NCKAP5: variants seen among roughly 807,000 people sequenced by gnomAD.
NCKAP5 encodes the protein nck-associated protein 5.
NCKAP5 carries 92 observed loss-of-function variants against 167.0 expected under a neutral mutation model. That is an observed-to-expected ratio of 0.55 (90% CI 0.47 to 0.66). NCKAP5 has a LOEUF of 0.66. Among genes scored for constraint, NCKAP5 ranks in the 30% least tolerant of loss-of-function variants. The pLI is 0.00. For missense variants in NCKAP5, 2,378 were observed against 2,315.0 expected, an observed-to-expected ratio of 1.03 and a Z score of -0.56; for synonymous variants, 891 against 877.4, an observed-to-expected ratio of 1.02 and a Z score of -0.27.
At chr2:132,680,240 A>G (rs923096005) in intron 19 of NCKAP5, among the ~76,000 whole-genome samples, 1 of 152,090 alleles carries the variant, frequency 6.6e-6, no homozygotes, top group African/African-American at 2.4e-5. Flanking sequence ...CGCATTGGTA[A>G]TAGAGAACCA....
At chr2:133,652,942 C>T in the NCKAP5 span, among the ~76,000 whole-genome samples, 1 of 152,196 alleles carries the variant, frequency 6.6e-6, no homozygotes, top group Non-Finnish European at 1.5e-5. Context: ...TTCTGAACCT[C>T]AGTCTCCTAA....
rs547726096 is a variant in NCKAP5 at position 133,143,971 on chromosome 2, A to G, written c.208-13860T>C. Among the ~76,000 whole-genome samples the G allele has an allele frequency of 2.0e-5, 3 of 152,248 alleles. No homozygotes were observed. The Middle Eastern group carries it at 0.01, about 518-fold the overall frequency. On this transcript the variant is annotated intron_variant, in intron 5 of 19. Transcript: ENST00000409261. Reference sequence around the variant, plus strand: ...TCCTGGTCTAGTAAACTTTCATCGCAACCAGCAAACCAACTGATGCATTTA... The same window carrying G: ...TCCTGGTCTAGTAAACTTTCATCGCGACCAGCAAACCAACTGATGCATTTA...
chr2:133,051,823 A>T (rs771019641), intron 6 of NCKAP5, among the ~76,000 whole-genome samples: 2 of 152,356 alleles, frequency 1.3e-5, no homozygotes, highest in Non-Finnish European at 2.9e-5. Context: ...CTCAATACAT[A>T]TATGTAGAAT....
chr2:132,751,255 G>A (rs1023052831), intron 16 of NCKAP5, among the ~76,000 whole-genome samples: 2 of 151,932 alleles, frequency 1.3e-5, no homozygotes, highest in Non-Finnish European at 2.9e-5. Flanking sequence ...TTGTTAAAAA[G>A]AGCCTGGCAC....
chr2:132,731,586 A>T (rs1277036144), intron 17 of NCKAP5, 151 bp downstream of exon 17: 1 of 766,148 alleles, frequency 1.3e-6, no homozygotes, highest in Admixed American at 3.0e-5. Flanking sequence ...TCTTATACAC[A>T]TTGTTTTGCT....
chr2:133,077,589 C>T (rs748549041), intron 6 of NCKAP5, among the ~76,000 whole-genome samples: 44 of 152,114 alleles, frequency 2.9e-4, no homozygotes, highest in Non-Finnish European at 6.0e-4. Context: ...AAAACAAGCC[C>T]CGATGATGGG....
intron 3 of NCKAP5, among the ~76,000 whole-genome samples, chr2:133,339,121 C>A (rs1683410728): frequency 6.6e-6 from 1 of 152,204 alleles, no homozygotes; most frequent in Admixed American, 6.5e-5. Flanking sequence ...GAAATTTCAA[C>A]AGAATTAATA....
the NCKAP5 span, among the ~76,000 whole-genome samples, chr2:133,612,954 T>C: frequency 4.1e-4 from 63 of 152,224 alleles, no homozygotes; most frequent in African/African-American, 1.5e-3. Context: ...TGCTAAAGAA[T>C]AGACTTCCAG....
At chr2:133,417,337 T>A (rs1689181039) in intron 3 of NCKAP5, among the ~76,000 whole-genome samples, 1 of 152,132 alleles carries the variant, frequency 6.6e-6, no homozygotes, top group Admixed American at 6.6e-5. Flanking sequence ...CCCGATTGCC[T>A]CCTTCACACC....
At chr2:132,934,400 C>T (rs1249496271) in intron 8 of NCKAP5, among the ~76,000 whole-genome samples, 1 of 152,098 alleles carries the variant, frequency 6.6e-6, no homozygotes, top group Non-Finnish European at 1.5e-5. Flanking sequence ...GGGTGAAACC[C>T]CATCTCTACT....
At chr2:133,168,434 G>T (rs774879200) in intron 5 of NCKAP5, among the ~76,000 whole-genome samples, 9 of 151,966 alleles carry the variant, frequency 5.9e-5, no homozygotes, top group East Asian at 1.9e-4. Flanking sequence ...TGTTTCTGGG[G>T]TTCCTTTCAT....
At chr2:132,810,386 T>C (rs1336652992) in intron 11 of NCKAP5, among the ~76,000 whole-genome samples, 1 of 152,244 alleles carries the variant, frequency 6.6e-6, no homozygotes, top group Non-Finnish European at 1.5e-5. Context: ...TTTAGAATTC[T>C]CTTCTTCCTC....
intron 11 of NCKAP5, among the ~76,000 whole-genome samples, chr2:132,816,669 C>T (rs187908063): frequency 7.4e-4 from 113 of 152,296 alleles, no homozygotes; most frequent in Non-Finnish European, 1.2e-3. Flanking sequence ...CTTGCCTGAA[C>T]ACTCCTCAGT....
intron 6 of NCKAP5, among the ~76,000 whole-genome samples, chr2:133,075,278 G>T (rs887039354): frequency 6.6e-6 from 1 of 152,016 alleles, no homozygotes; most frequent in Non-Finnish European, 1.5e-5. Context: ...TATCTCTCAG[G>T]AATAAATGTA....
chr2:132,782,809 A>T lies in NCKAP5; in HGVS notation c.4002T>A (p.Ser1334Arg). 3 of 1,613,452 alleles carry T rather than the reference A, an allele frequency of 1.9e-6. No individual in the cohort carries two copies. The highest frequency in any genetic ancestry group is 2.2e-5 in the South Asian group (2 of 91,038). Residue 1334 changes from serine (S) to arginine (R), a missense_variant, in exon 14 of 20, where the codon AGT (serine) becomes AGA (arginine). Physicochemically the swap from Ser to Arg is moderately radical, Grantham distance 110. Around this residue, in one of 3 missense-constraint regions of NCKAP5, gnomAD observed 1,325 missense variants for 1,274.5 expected, o/e 1.04. Transcript: ENST00000409261. ...CCGAGGGCCTCCCAACACTGGGGAG[A>T]CTCTCCAACATGGGAGCAGAAGGGG... The part of the protein sequence containing the change: ...NKAPSAPMLE[S>R]LPSVGRPSGH...
intron 6 of NCKAP5, among the ~76,000 whole-genome samples, chr2:133,074,077 A>G (rs1172906422): frequency 2.0e-5 from 3 of 152,212 alleles, no homozygotes; most frequent in Admixed American, 6.5e-5. Context: ...ACCTCTAACC[A>G]TATCTTTGTT....
chr2:133,144,209 C>T (rs558602354), intron 5 of NCKAP5, among the ~76,000 whole-genome samples: 3 of 152,182 alleles, frequency 2.0e-5, no homozygotes, highest in African/African-American at 7.2e-5. Flanking sequence ...AACCAGAGGG[C>T]AAACATTTTA....
intron 6 of NCKAP5, among the ~76,000 whole-genome samples, chr2:133,010,205 G>A (rs1032910439): frequency 6.6e-5 from 10 of 152,190 alleles, no homozygotes; most frequent in African/African-American, 2.2e-4. Context: ...GATCTTATTC[G>A]CAAATTTTAA....
At chr2:132,801,075 A>G (rs1457060054) in intron 11 of NCKAP5, among the ~76,000 whole-genome samples, 1 of 152,142 alleles carries the variant, frequency 6.6e-6, no homozygotes, top group South Asian at 2.1e-4. Context: ...TGCCTGGCCC[A>G]GGAATACCTC....
Sources: gnomAD v4.1 joint callset for allele counts (sites outside exome capture counted in the v4.1 genomes callset) on GRCh38, gnomAD v4.1.1 for gene constraint, gnomAD v4.1.1 regional missense constraint, MANE v1.5 for transcripts, NCBI Gene and HGNC (gene_info 2026-07-23, HGNC 2026-07-21) for gene names.